Variants in CDH3 observed in about 807,000 individuals in gnomAD.
The protein encoded by CDH3 is cadherin-3.
A neutral mutation model predicts 82.0 loss-of-function variants in CDH3; 54 were observed. The observed-to-expected ratio is 0.66, with a 90% CI of 0.53 to 0.83. The LOEUF is 0.83. Ranked by LOEUF, CDH3 falls within the 40% of genes least tolerant of loss-of-function variation. The pLI is 0.00. For synonymous variants in CDH3, 446 were observed against 437.9 expected (o/e 1.02, Z -0.23); for missense variants, 1,054 against 1,084.6 (o/e 0.97, Z 0.40).
chr16:68,653,729 G>T (rs576272945), intron 2 of CDH3, among the ~76,000 whole-genome samples: 2 of 140,832 alleles, frequency 1.4e-5, no homozygotes, highest in Non-Finnish European at 3.0e-5. Flanking sequence ...TCGCTCTGTC[G>T]CCTAGGCTGG....
chr16:68,720,779 G>A (rs1046020511), intron 1 of CDH3, among the ~76,000 whole-genome samples: 5 of 151,768 alleles, frequency 3.3e-5, no homozygotes, highest in Non-Finnish European at 7.4e-5. Context: ...CTGCCACCAC[G>A]CCGACTAATT....
At chr16:68,683,679 A>G (rs1367601356) in intron 9 of CDH3, among the ~76,000 whole-genome samples, 3 of 10,708 alleles carry the variant, frequency 2.8e-4, no homozygotes, top group Non-Finnish European at 4.3e-4. Context: ...AAAAAAAAAA[A>G]AGAAAATCCA....
At chr16:68,719,071 C>T (rs1266303363) in intron 1 of CDH3, among the ~76,000 whole-genome samples, 2 of 151,832 alleles carry the variant, frequency 1.3e-5, no homozygotes, top group East Asian at 1.9e-4. Flanking sequence ...GGTGAAACCC[C>T]GTCTCTACTA....
At chr16:68,652,413 A>G (rs914042543) in intron 2 of CDH3, among the ~76,000 whole-genome samples, 2 of 152,114 alleles carry the variant, frequency 1.3e-5, no homozygotes, top group Non-Finnish European at 2.9e-5. Flanking sequence ...TGCACAAGGA[A>G]GGCATTGCTT....
intron 15 of CDH3, among the ~76,000 whole-genome samples, chr16:68,697,437 G>A (rs1188101139): frequency 6.6e-6 from 1 of 152,172 alleles, no homozygotes; most frequent in East Asian, 1.9e-4. Flanking sequence ...GATTGCACCT[G>A]GGGGGCAAAG....
intron 3 of CDH3, 101 bp from the exon 4 acceptor site, chr16:68,678,033 G>A (rs1356559308): frequency 1.2e-5 from 13 of 1,110,644 alleles, no homozygotes; most frequent in South Asian, 8.7e-5. Context: ...ATAGGCGTGA[G>A]CTACCATGCC....
Position 68,645,768 on chromosome 16 carries a change from G to T in CDH3, c.160+18G>T. The T allele has an allele frequency of 2.0e-6, 3 of 1,526,596 alleles. No homozygotes were observed. The highest frequency in any genetic ancestry group is 2.6e-6 in the Non-Finnish European group (3 of 1,132,644). The allele number at this position is 1,526,596 out of a possible 1,614,324, so 94.6% of individuals were successfully genotyped here. A position where few individuals can be genotyped will look rare whatever the true frequency, so the allele number is the denominator to read the frequency against. On this transcript the variant is annotated intron_variant, in intron 2 of 15. Transcript: ENST00000264012. ...GGGGAAAGGTAAGATCCTCAGGGTG[G>T]AACCGCAGGGTAGGGGCCGCACGTG...
rs369712865 is a variant in CDH3 at position 68,678,202 on chromosome 16, C to T, written c.315C>T (p.His105=). 2.9e-5 allele frequency: 46 copies of T among 1,613,540 alleles called. No individual in the cohort carries two copies. The highest frequency in any genetic ancestry group is 1.7e-5 in the Admixed American group (1 of 60,004). ...CATCCAAACGTATCTTACGAAGACA[C>T]AAGAGAGATTGGGTGGTTGCTCCAA... ...IFPSKRILRR[H]KRDWVVAPIS... The change falls in exon 4 of 16, where the codon CAC becomes CAT. Residue 105 remains histidine (H), a synonymous_variant. Coordinates refer to ENST00000264012, the MANE Select transcript of CDH3 (RefSeq NM_001793.6).
chr16:68,659,372 C>T (rs2152092791), intron 2 of CDH3, among the ~76,000 whole-genome samples: 1 of 152,126 alleles, frequency 6.6e-6, no homozygotes, highest in East Asian at 1.9e-4. Flanking sequence ...AGTTCGAGAC[C>T]AGCCTGGGCA....
At position 68,667,754 on chromosome 16, in the gene CDH3, G is replaced by A. The variant is rs553044198; in HGVS notation, c.161-8631G>A. 8.5e-5 allele frequency among the ~76,000 whole-genome samples: 13 copies of A among 152,228 alleles called. No homozygotes were observed. In the East Asian group the frequency reaches 1.5e-3, roughly 18 times the overall value. On this transcript the variant is annotated intron_variant, in intron 2 of 15. Coordinates refer to ENST00000264012, the MANE Select transcript of CDH3 (RefSeq NM_001793.6). ...TTCTTGCCCAAGTTTTATTAGTGGC[G>A]CCAGTTCAGGACCCGAGGCCAGGCT...
chr16:68,698,881 C>G lies in CDH3; in HGVS notation c.*481C>G, dbSNP rs1435248417. Reference sequence around the variant, plus strand: ...CGTCCTGCATTTCTGGTTTCCAGACCCCAATGCCTCCCATTCGGATGGATC... The same window carrying G: ...CGTCCTGCATTTCTGGTTTCCAGACGCCAATGCCTCCCATTCGGATGGATC... On this transcript the variant is annotated 3_prime_UTR_variant, in exon 16 of 16. Transcript: ENST00000264012. 1 of 168,704 alleles carries G rather than the reference C, an allele frequency of 5.9e-6. No homozygotes were observed. The highest frequency in any genetic ancestry group is 2.4e-5 in the African/African-American group (1 of 41,544). The allele number at this position is 168,704 out of a possible 1,614,324, so 10.5% of individuals were successfully genotyped here. A position where few individuals can be genotyped will look rare whatever the true frequency, so the allele number is the denominator to read the frequency against.
chr16:68,708,357 G>C (rs536356344), intron 1 of CDH3, among the ~76,000 whole-genome samples: 2 of 151,934 alleles, frequency 1.3e-5, no homozygotes, highest in South Asian at 4.2e-4. Flanking sequence ...AGTAGGACTT[G>C]AACAAATTAA....
chr16:68,688,315 C>A (rs75979118), intron 12 of CDH3, among the ~76,000 whole-genome samples: 1 of 151,972 alleles, frequency 6.6e-6, no homozygotes, highest in Middle Eastern at 3.2e-3. Context: ...CATGGCCACA[C>A]GCAGTGGCTT....
At chr16:68,693,404 G>C (rs1054208559) in intron 13 of CDH3, among the ~76,000 whole-genome samples, 2 of 152,132 alleles carry the variant, frequency 1.3e-5, no homozygotes, top group African/African-American at 2.4e-5. Flanking sequence ...GGTGGTCAGA[G>C]GTGGTCATGT....
chr16:68,687,263 C>T (rs910871849), intron 11 of CDH3, among the ~76,000 whole-genome samples: 3 of 152,128 alleles, frequency 2.0e-5, no homozygotes, highest in African/African-American at 7.2e-5. Flanking sequence ...CTGAAGTAGC[C>T]GGTAGGTTTC....
chr16:68,669,848 G>A (rs2152096177), intron 2 of CDH3, among the ~76,000 whole-genome samples: 1 of 152,262 alleles, frequency 6.6e-6, no homozygotes, highest in Middle Eastern at 3.4e-3. Context: ...GCCAGGCACA[G>A]TGGCTCATGC....
downstream of CDH3, among the ~76,000 whole-genome samples, chr16:68,731,802 T>A (rs1408489564): frequency 6.6e-6 from 1 of 151,920 alleles, no homozygotes; most frequent in Non-Finnish European, 1.5e-5. Context: ...TGGGCCACTG[T>A]ACTCCAGCCG....
intron 1 of CDH3, among the ~76,000 whole-genome samples, chr16:68,711,363 GAAGA>G (rs1289988291): frequency 4.2e-5 from 6 of 142,020 alleles, no homozygotes; most frequent in African/African-American, 1.5e-4. Flanking sequence ...GAAAAGGAAA[GAAGA>G]AAGAAAGAGA....
intron 4 of CDH3, 34 bp downstream of exon 4, chr16:68,678,311 G>A: frequency 6.2e-7 from 1 of 1,612,502 alleles, no homozygotes; most frequent in Middle Eastern, 1.7e-4. Flanking sequence ...AAGCATTGGT[G>A]GCTCCAGGGA....
Sources: gnomAD v4.1 joint callset for allele counts (sites outside exome capture counted in the v4.1 genomes callset) on GRCh38, gnomAD v4.1.1 for gene constraint, MANE v1.5 for transcripts, NCBI Gene and HGNC (gene_info 2026-07-23, HGNC 2026-07-21) for gene names.